TLN2: variants seen among roughly 807,000 people sequenced by gnomAD.
The protein encoded by TLN2 is talin-2.
A neutral mutation model predicts 294.7 loss-of-function variants in TLN2; 118 were observed. That is an observed-to-expected ratio of 0.40 (90% CI 0.34 to 0.47). The LOEUF is 0.47. TLN2 is among the 20% of genes least tolerant of loss of function. The pLI, the probability that TLN2 is intolerant of heterozygous loss-of-function variation, is 0.84. For synonymous variants in TLN2, 1,431 were observed against 1,304.5 expected (o/e 1.10, Z -2.09); for missense variants, 3,083 against 3,282.2 (o/e 0.94, Z 1.48).
chr15:62,530,699 T>A (rs2040997534), intron 1 of TLN2, among the ~76,000 whole-genome samples: 2 of 152,348 alleles, frequency 1.3e-5, no homozygotes, highest in East Asian at 3.9e-4. Flanking sequence ...GCCTAATTTT[T>A]CTTCTTGGGG....
chr15:62,650,013 T>TC, intron 4 of TLN2, 71 bp from the exon 5 acceptor site: 1 of 1,494,160 alleles, frequency 6.7e-7, no homozygotes, highest in East Asian at 2.3e-5. Context: ...GTCAGCAGGC[T>TC]CAGGGCCTGG....
chr15:62,783,922 G>A (rs1567598418), intron 45 of TLN2, 32 bp downstream of exon 45: 2 of 1,611,658 alleles, frequency 1.2e-6, no homozygotes, highest in Non-Finnish European at 8.5e-7. Context: ...ATTTTAAGAT[G>A]CACACACACA....
intron 9 of TLN2, among the ~76,000 whole-genome samples, chr15:62,662,090 A>T (rs995913273): frequency 3.3e-5 from 5 of 152,180 alleles, no homozygotes; most frequent in African/African-American, 1.2e-4. Flanking sequence ...TTTAAAAGAA[A>T]GTAATGAAAT....
At chr15:62,763,511 G>T in intron 39 of TLN2, 52 bp from the exon 40 acceptor site, 2 of 1,558,442 alleles carry the variant, frequency 1.3e-6, no homozygotes, top group Non-Finnish European at 8.7e-7. Context: ...GGAGCAGGCT[G>T]TGGGACTTGA....
intron 2 of TLN2, among the ~76,000 whole-genome samples, chr15:62,612,531 T>C (rs2047999035): frequency 1.3e-5 from 2 of 152,214 alleles, no homozygotes; most frequent in Admixed American, 6.5e-5. Context: ...CCTGGTTATC[T>C]TGTAGCCCTG....
chr15:62,768,699 T>A (rs1198920760), intron 41 of TLN2, among the ~76,000 whole-genome samples: 4 of 152,238 alleles, frequency 2.6e-5, no homozygotes, highest in African/African-American at 9.6e-5. Flanking sequence ...TGTTCTGTCA[T>A]GTCTCAAGAA....
intron 1 of TLN2, among the ~76,000 whole-genome samples, chr15:62,506,335 A>G (rs1028773889): frequency 6.6e-6 from 1 of 152,164 alleles, no homozygotes; most frequent in African/African-American, 2.4e-5. Context: ...TTTGGGTGTG[A>G]TGAGGGGCAG....
chr15:62,789,808 C>T (rs932586395), intron 45 of TLN2, among the ~76,000 whole-genome samples: 4 of 152,234 alleles, frequency 2.6e-5, no homozygotes, highest in Admixed American at 1.3e-4. Flanking sequence ...TCAAAACCCA[C>T]GGAGAAGGTT....
Position 62,725,021 on chromosome 15 carries a change from A to C in TLN2, c.3172A>C (p.Thr1058Pro). 1.2e-6 allele frequency: 2 copies of C among 1,613,642 alleles called. No individual in the cohort carries two copies. The highest frequency in any genetic ancestry group is 1.7e-6 in the Non-Finnish European group (2 of 1,179,852). ...GATGGAAATCGATTCAGCTCTGAATACGGTGCAGACGCTTAAGAATGAACT... is the reference window on the plus strand; with the variant it reads ...GATGGAAATCGATTCAGCTCTGAATCCGGTGCAGACGCTTAAGAATGAACT... ...GPMEIDSALN[T>P]VQTLKNELQD... Residue 1058 changes from threonine (T) to proline (P), a missense_variant, in exon 27 of 59, where the codon ACG becomes CCG. Physicochemically the swap from Thr to Pro is conservative, Grantham distance 38 (BLOSUM62 -1). Transcript: ENST00000636159.
rs148637386 is a variant in TLN2 at position 62,775,147 on chromosome 15, G to A, written c.5368-1617G>A. On this transcript the variant is annotated intron_variant, in intron 42 of 58. Coordinates refer to ENST00000636159, the MANE Select transcript of TLN2 (RefSeq NM_015059.3). ...CATTTTTTGTATTTTTAGTAGAGAC[G>A]GGGTTTCACTGTGTTAGCCAGGATG... is the stretch of plus-strand genomic sequence containing the variant. Among the ~76,000 whole-genome samples the A allele has an allele frequency of 4.6e-5, 7 of 151,822 alleles. No homozygotes were observed. In the East Asian group the frequency reaches 7.8e-4, roughly 17 times the overall value.
Position 62,437,774 on chromosome 15 carries a change from T to C in TLN2, c.-238+47089T>C, listed in dbSNP as rs182390148. 4.9e-3 allele frequency among the ~76,000 whole-genome samples: 742 copies of C among 151,318 alleles called. 5 individuals carry two copies. Among genetic ancestry groups the C allele is most frequent in the Non-Finnish European group, 8.4e-3 (568 of 67,922 alleles). On this transcript the variant is annotated intron_variant, in intron 1 of 58. Coordinates refer to ENST00000636159, the MANE Select transcript of TLN2 (RefSeq NM_015059.3). ...GGGGGTGTGTGTGTGTGTGTGTGTG[T>C]CTGTCTGTCTGTCTGCCAATTGGTG...
chr15:62,701,236 G>A (rs1346757482), intron 17 of TLN2, 22 bp downstream of exon 17: 2 of 1,575,844 alleles, frequency 1.3e-6, no homozygotes, highest in South Asian at 1.1e-5. Flanking sequence ...AGAGATTTGT[G>A]CTGCATTGGG....
chr15:62,786,045 G>A (rs2064628351), intron 45 of TLN2, among the ~76,000 whole-genome samples: 1 of 152,230 alleles, frequency 6.6e-6, no homozygotes, highest in African/African-American at 2.4e-5. Context: ...CACGAGAGCA[G>A]TGTGACCTGG....
intron 3 of TLN2, among the ~76,000 whole-genome samples, chr15:62,626,577 A>C (rs985173879): frequency 6.6e-6 from 1 of 151,788 alleles, no homozygotes. Context: ...TGAAGTTTGC[A>C]TTTTCCCTGA....
At chr15:62,737,120 G>A (rs1255383899) in intron 29 of TLN2, 34 bp downstream of exon 29, 2 of 1,610,046 alleles carry the variant, frequency 1.2e-6, no homozygotes, top group Non-Finnish European at 1.7e-6. Context: ...TGGTTGTCAT[G>A]GTCATCATTA....
chr15:62,567,589 C>G (rs1308277342), intron 1 of TLN2, among the ~76,000 whole-genome samples: 4 of 152,188 alleles, frequency 2.6e-5, no homozygotes, highest in Non-Finnish European at 5.9e-5. Context: ...AATCCCAGCA[C>G]TTTGGGAGGC....
chr15:62,455,792 A>C (rs1024445086), intron 1 of TLN2, among the ~76,000 whole-genome samples: 4 of 151,982 alleles, frequency 2.6e-5, no homozygotes, highest in African/African-American at 9.7e-5. Context: ...CCCTTCTGCT[A>C]TCTCTCTTGA....
At chr15:62,572,714 T>A (rs1173161161) in intron 1 of TLN2, among the ~76,000 whole-genome samples, 1 of 152,262 alleles carries the variant, frequency 6.6e-6, no homozygotes, top group Non-Finnish European at 1.5e-5. Flanking sequence ...GCTACCTTTG[T>A]GGCTTCTGCC....
intron 27 of TLN2, 94 bp downstream of exon 27, chr15:62,725,198 T>A (rs2060370465): frequency 4.0e-6 from 6 of 1,486,318 alleles, no homozygotes; most frequent in Non-Finnish European, 5.4e-6. Flanking sequence ...AGTTGCGGCA[T>A]GTTGAGAAGC....
Sources: gnomAD v4.1 joint callset for allele counts (sites outside exome capture counted in the v4.1 genomes callset) on GRCh38, gnomAD v4.1.1 for gene constraint, MANE v1.5 for transcripts, NCBI Gene and HGNC (gene_info 2026-07-23, HGNC 2026-07-21) for gene names.